The following FA2H variants were observed in gnomAD, a reference collection of about 807,000 sequenced individuals.
FA2H encodes fatty acid 2-hydroxylase.
A neutral mutation model predicts 44.9 loss-of-function variants in FA2H; 22 were observed. That is an observed-to-expected ratio of 0.49 (90% CI 0.35 to 0.70). The LOEUF is 0.70. Ranked by LOEUF, FA2H falls within the 30% of genes least tolerant of loss-of-function variation. FA2H has a pLI of 0.01. For missense variants in FA2H, 501 were observed against 504.9 expected (o/e 0.99, Z 0.07); for synonymous variants, 243 against 213.2 (o/e 1.14, Z -1.22).
chr16:74,733,471 A>C (rs1489259579), intron 2 of FA2H, among the ~76,000 whole-genome samples: 1 of 152,126 alleles, frequency 6.6e-6, no homozygotes, highest in Non-Finnish European at 1.5e-5. Context: ...AGCAGCCTCC[A>C]CACAGTTTCC....
chr16:74,719,335 A>G (rs1961779520), intron 4 of FA2H, among the ~76,000 whole-genome samples, 175 bp from the exon 5 acceptor site: 1 of 151,902 alleles, frequency 6.6e-6, no homozygotes, highest in Non-Finnish European at 1.5e-5. Context: ...AGGCTGTAGG[A>G]CTCTGGTCTG....
At chr16:74,761,783 C>G (rs1962716569) in intron 1 of FA2H, among the ~76,000 whole-genome samples, 1 of 152,014 alleles carries the variant, frequency 6.6e-6, no homozygotes, top group African/African-American at 2.4e-5. Flanking sequence ...AGATAAACAT[C>G]CATGCAGAAA....
At chr16:74,752,222 C>T (rs1341773562) in intron 1 of FA2H, among the ~76,000 whole-genome samples, 1 of 152,166 alleles carries the variant, frequency 6.6e-6, no homozygotes, top group Non-Finnish European at 1.5e-5. Flanking sequence ...ACTCTTGACT[C>T]CCCCCAAGCC....
intron 2 of FA2H, among the ~76,000 whole-genome samples, chr16:74,732,647 C>G (rs1301551358): frequency 1.3e-5 from 2 of 151,890 alleles, no homozygotes; most frequent in Non-Finnish European, 2.9e-5. Flanking sequence ...CCATGTTGAC[C>G]AGACTGGTCT....
intron 1 of FA2H, among the ~76,000 whole-genome samples, chr16:74,761,321 C>G (rs1160680980): frequency 6.6e-6 from 1 of 151,974 alleles, no homozygotes; most frequent in African/African-American, 2.4e-5. Context: ...GGCATGGCGG[C>G]ATACACCTGT....
chr16:74,728,650 A>C (rs1163812814), intron 2 of FA2H, among the ~76,000 whole-genome samples: 2 of 152,018 alleles, frequency 1.3e-5, no homozygotes, highest in South Asian at 2.1e-4. Flanking sequence ...GTTGTCTCCA[A>C]GGCAAGGATG....
chr16:74,718,036 T>C (rs1263572055), intron 5 of FA2H, among the ~76,000 whole-genome samples: 3 of 152,082 alleles, frequency 2.0e-5, no homozygotes, highest in Non-Finnish European at 4.4e-5. Flanking sequence ...CCCACCCTGA[T>C]ACTGGCCCCT....
chr16:74,734,902 C>G (rs1962150793), intron 2 of FA2H, among the ~76,000 whole-genome samples: 2 of 152,258 alleles, frequency 1.3e-5, no homozygotes, highest in South Asian at 4.1e-4. Context: ...TCCACCCAAA[C>G]TCAGGCATAT....
intron 5 of FA2H, 54 bp from the exon 6 acceptor site, chr16:74,716,653 G>C (rs773369721): frequency 1.7e-5 from 25 of 1,509,188 alleles, no homozygotes; most frequent in Non-Finnish European, 1.9e-5. Context: ...CCGGCAGCTG[G>C]CCAAACCCTG....
At chr16:74,766,642 A>AGG (rs11300628) in intron 1 of FA2H, among the ~76,000 whole-genome samples, 5 of 150,878 alleles carry the variant, frequency 3.3e-5, no homozygotes, top group South Asian at 2.1e-4. Context: ...AGGAAAACTA[A>AGG]GGGGGGGGGC....
intron 1 of FA2H, among the ~76,000 whole-genome samples, chr16:74,770,184 C>T (rs892827506): frequency 1.3e-5 from 2 of 152,354 alleles, no homozygotes; most frequent in East Asian, 1.9e-4. Flanking sequence ...CCTCCAGAGA[C>T]AGGGGGCTCT....
chr16:74,759,871 G>C lies in FA2H; in HGVS notation c.270+14615C>G, dbSNP rs1013488018. 3.3e-5 allele frequency among the ~76,000 whole-genome samples: 5 copies of C among 152,288 alleles called. No individual in the cohort carries two copies. In the East Asian group the frequency reaches 7.7e-4, roughly 24 times the overall value. On this transcript the variant is annotated intron_variant, in intron 1 of 6. Coordinates refer to ENST00000219368, the MANE Select transcript of FA2H (RefSeq NM_024306.5). ...GTCCCCTCTTCCTCTCCTGGTGTCT[G>C]CTGGAGCACTGATGGACATGGCACA...
intron 1 of FA2H, among the ~76,000 whole-genome samples, chr16:74,756,956 G>C (rs1456673595): frequency 6.6e-6 from 1 of 151,850 alleles, no homozygotes; most frequent in East Asian, 1.9e-4. Flanking sequence ...TTGTTTTTAT[G>C]TATAAAATCT....
chr16:74,720,761 T>G (rs1245699991), intron 4 of FA2H, among the ~76,000 whole-genome samples: 1 of 152,148 alleles, frequency 6.6e-6, no homozygotes, highest in African/African-American at 2.4e-5. Context: ...CTCCCAACCC[T>G]AGGAAGCTAC....
intron 1 of FA2H, among the ~76,000 whole-genome samples, chr16:74,753,662 G>A (rs1962567680): frequency 6.6e-6 from 1 of 152,108 alleles, no homozygotes; most frequent in African/African-American, 2.4e-5. Context: ...GACAGAGCGA[G>A]ACTCCAGCTC....
chr16:74,750,773 G>GTGTGTGTGTGTGTA (rs1962512838), intron 1 of FA2H, among the ~76,000 whole-genome samples: 1 of 150,216 alleles, frequency 6.7e-6, no homozygotes, highest in African/African-American at 2.5e-5. Flanking sequence ...GTGTGTGTGT[G>GTGTGTGTGTGTGTA]TGTGTGTGTG....
At chr16:74,739,607 T>A (rs556673065) in intron 2 of FA2H, among the ~76,000 whole-genome samples, 2 of 152,332 alleles carry the variant, frequency 1.3e-5, no homozygotes, top group African/African-American at 2.4e-5. Context: ...AGCAGTCTCC[T>A]GTGCCCTGCA....
chr16:74,721,698 C>T (rs1002336039), intron 4 of FA2H, among the ~76,000 whole-genome samples: 12 of 152,194 alleles, frequency 7.9e-5, no homozygotes, highest in African/African-American at 2.2e-4. Flanking sequence ...CCCTTGAACA[C>T]GCTCTACTCC....
intron 1 of FA2H, among the ~76,000 whole-genome samples, chr16:74,774,086 G>C (rs115413978): frequency 2.6e-5 from 4 of 152,104 alleles, no homozygotes; most frequent in East Asian, 1.9e-4. Flanking sequence ...AAACAGAAAC[G>C]GAGAGTGGTT....
Sources: gnomAD v4.1 joint callset for allele counts (sites outside exome capture counted in the v4.1 genomes callset) on GRCh38, gnomAD v4.1.1 for gene constraint, MANE v1.5 for transcripts, NCBI Gene and HGNC (gene_info 2026-07-23, HGNC 2026-07-21) for gene names.